Variants in TLN2 observed in about 807,000 individuals in gnomAD.
TLN2 encodes the protein talin 2, also known as talin-2.
TLN2 carries 118 observed loss-of-function variants against 294.7 expected under a neutral mutation model. The observed-to-expected ratio is 0.40, with a 90% CI of 0.34 to 0.47. The LOEUF (loss-of-function observed/expected upper bound fraction) is 0.47. Ranked by LOEUF, TLN2 falls within the 20% of genes least tolerant of loss-of-function variation. The pLI is 0.84. For missense variants in TLN2, 3,083 were observed against 3,282.2 expected, an observed-to-expected ratio of 0.94 and a Z score of 1.48; for synonymous variants, 1,431 against 1,304.5, an observed-to-expected ratio of 1.10 and a Z score of -2.09.
chr15:62,711,538 G>A (rs986710321), intron 21 of TLN2, among the ~76,000 whole-genome samples: 3 of 152,152 alleles, frequency 2.0e-5, no homozygotes, highest in African/African-American at 7.2e-5. Flanking sequence ...TATTATAGAC[G>A]CTTTTGTGTA....
intron 1 of TLN2, among the ~76,000 whole-genome samples, chr15:62,511,343 G>C (rs560771521): frequency 8.5e-5 from 13 of 152,302 alleles, no homozygotes; most frequent in African/African-American, 2.9e-4. Context: ...TTCAACACCT[G>C]TCCTCAAAAC....
chr15:62,450,886 A>G (rs1355108464), intron 1 of TLN2, among the ~76,000 whole-genome samples: 1 of 151,382 alleles, frequency 6.6e-6, no homozygotes, highest in Non-Finnish European at 1.5e-5. Flanking sequence ...ATCTATATAT[A>G]TATTTAGCTC....
rs563681168 is a variant in TLN2, at chr15:62,730,217, T to A, written c.3358+3028T>A. Among the ~76,000 whole-genome samples the A allele has an allele frequency of 2.0e-5, 3 of 152,148 alleles. No homozygotes were observed. In the South Asian group the frequency reaches 6.3e-4, roughly 32 times the overall value. ...CCACCACACCCAGCTAATTTTTGTATTTTTAGTAGAGACGGGGTTTCACCG... is the reference window on the plus strand; with the variant it reads ...CCACCACACCCAGCTAATTTTTGTAATTTTAGTAGAGACGGGGTTTCACCG... On this transcript the variant is annotated intron_variant, in intron 28 of 58. Coordinates refer to ENST00000636159, the MANE Select transcript of TLN2 (RefSeq NM_015059.3).
intron 21 of TLN2, 126 bp downstream of exon 21, chr15:62,708,922 G>A: frequency 8.7e-7 from 1 of 1,152,204 alleles, no homozygotes. Flanking sequence ...CAGTCTCAAA[G>A]ACTTCCCCAC....
intron 1 of TLN2, among the ~76,000 whole-genome samples, chr15:62,426,779 GA>G (rs1398228651): frequency 3.3e-5 from 5 of 152,138 alleles, no homozygotes; most frequent in African/African-American, 1.2e-4. Context: ...CAGTGCTGGG[GA>G]CAGAGTTGAC....
At chr15:62,528,546 A>G (rs942107755) in intron 1 of TLN2, among the ~76,000 whole-genome samples, 21 of 152,166 alleles carry the variant, frequency 1.4e-4, no homozygotes, top group African/African-American at 4.8e-4. Flanking sequence ...GAGAATGAGC[A>G]AGGGTACTCA....
At chr15:62,501,876 G>A (rs1029608467) in intron 1 of TLN2, among the ~76,000 whole-genome samples, 1 of 152,136 alleles carries the variant, frequency 6.6e-6, no homozygotes, top group Non-Finnish European at 1.5e-5. Flanking sequence ...TATTTCCAAG[G>A]TAGGGAACTT....
At chr15:62,532,520 C>T (rs1175923259) in intron 1 of TLN2, among the ~76,000 whole-genome samples, 2 of 152,306 alleles carry the variant, frequency 1.3e-5, no homozygotes, top group African/African-American at 4.8e-5. Context: ...GACATGCTGC[C>T]CACTGTCCCT....
intron 51 of TLN2, among the ~76,000 whole-genome samples, chr15:62,808,310 GCTGA>G (rs532445173): frequency 2.8e-4 from 42 of 152,184 alleles, no homozygotes; most frequent in African/African-American, 9.9e-4. Context: ...TTGCTATATT[GCTGA>G]CTTTTTAATG....
intron 1 of TLN2, among the ~76,000 whole-genome samples, chr15:62,436,402 C>T (rs977813338): frequency 3.9e-5 from 6 of 152,210 alleles, no homozygotes; most frequent in Non-Finnish European, 8.8e-5. Flanking sequence ...TGGGGTGAGG[C>T]AGAGGGCGAT....
intron 2 of TLN2, among the ~76,000 whole-genome samples, chr15:62,598,331 T>C (rs1196663821): frequency 1.3e-5 from 2 of 152,196 alleles, no homozygotes; most frequent in African/African-American, 4.8e-5. Context: ...TGCCACGTCT[T>C]GGACACGTTC....
intron 1 of TLN2, among the ~76,000 whole-genome samples, chr15:62,573,601 C>G (rs941079779): frequency 6.6e-6 from 1 of 152,112 alleles, no homozygotes; most frequent in African/African-American, 2.4e-5. Context: ...CTCCTCTCTC[C>G]CTGGCCATGT....
intron 1 of TLN2, among the ~76,000 whole-genome samples, chr15:62,401,295 T>G (rs898708333): frequency 6.6e-6 from 1 of 152,064 alleles, no homozygotes; most frequent in African/African-American, 2.4e-5. Flanking sequence ...TTAATTTGTT[T>G]TGTTTATTTT....
intron 52 of TLN2, 45 bp downstream of exon 52, chr15:62,810,077 C>G (rs756870848): frequency 6.7e-7 from 1 of 1,491,500 alleles, no homozygotes; most frequent in Non-Finnish European, 9.3e-7. Context: ...CTGTGTCCCT[C>G]TAGCTGTCCT....
At chr15:62,518,770 G>T (rs2040310978) in intron 1 of TLN2, among the ~76,000 whole-genome samples, 1 of 151,670 alleles carries the variant, frequency 6.6e-6, no homozygotes, top group Non-Finnish European at 1.5e-5. Flanking sequence ...GCTAATTTTT[G>T]TATTTTTAGT....
At chr15:62,753,569 G>A (rs2062055893) in intron 35 of TLN2, among the ~76,000 whole-genome samples, 1 of 152,222 alleles carries the variant, frequency 6.6e-6, no homozygotes, top group Non-Finnish European at 1.5e-5. Flanking sequence ...ATGAGCCTGT[G>A]ATAAACTACT....
intron 1 of TLN2, among the ~76,000 whole-genome samples, chr15:62,495,181 A>G (rs978476347): frequency 1.3e-5 from 2 of 152,132 alleles, no homozygotes; most frequent in Non-Finnish European, 2.9e-5. Flanking sequence ...TCATCCTATT[A>G]TTTCCAGTCA....
chr15:62,700,767 A>G (rs2058667790), intron 16 of TLN2, among the ~76,000 whole-genome samples: 1 of 152,242 alleles, frequency 6.6e-6, no homozygotes, highest in Non-Finnish European at 1.5e-5. Context: ...AATGTGCAGT[A>G]TTATGATGAA....
At chr15:62,737,208 C>T in intron 29 of TLN2, 122 bp downstream of exon 29, 1 of 1,016,976 alleles carries the variant, frequency 9.8e-7, no homozygotes, top group Non-Finnish European at 1.5e-6. Context: ...TTTTCAGAAA[C>T]TTCCAAAGGT....
Sources: gnomAD v4.1 joint callset for allele counts (sites outside exome capture counted in the v4.1 genomes callset) on GRCh38, gnomAD v4.1.1 for gene constraint, MANE v1.5 for transcripts, NCBI Gene and HGNC (gene_info 2026-07-23, HGNC 2026-07-21) for gene names.